The following SAE1 variants were observed in gnomAD, a reference collection of about 807,000 sequenced individuals.
SAE1 encodes the protein SUMO1 activating enzyme subunit 1.
In SAE1, 11 loss-of-function variants were observed where a neutral mutation model predicts 40.6. The observed-to-expected ratio is 0.27, with a 90% CI of 0.17 to 0.45. The LOEUF (loss-of-function observed/expected upper bound fraction) is 0.45, where lower values mean the gene tolerates loss of function less well. Ranked by LOEUF, SAE1 falls within the 20% of genes least tolerant of loss-of-function variation. The pLI is 1.00. For synonymous variants in SAE1, 155 were observed against 154.3 expected (o/e 1.00, Z -0.03); for missense variants, 373 against 427.3 (o/e 0.87, Z 1.12).
chr19:47,179,755 G>T (rs907604949), intron 6 of SAE1, among the ~76,000 whole-genome samples: 1 of 152,088 alleles, frequency 6.6e-6, no homozygotes, highest in Non-Finnish European at 1.5e-5. Flanking sequence ...TGTAGAGACG[G>T]GGTTTCACTG....
chr19:47,155,217 T>G lies in SAE1; in HGVS notation c.627+4T>G, dbSNP rs764034013. The stretch of plus-strand genomic sequence containing the variant: ...TGAGACAACGATGGTCAAAAAGGTA[T>G]GTGTAACGTGGGGGCAGAGGTCAGA... On this transcript the variant is annotated splice_donor_region_variant and intron_variant, in intron 5 of 8. Transcript: ENST00000270225. The G allele has an allele frequency of 2.7e-5, 44 of 1,601,552 alleles. No individual in the cohort carries two copies. In the South Asian group the frequency reaches 4.8e-4, roughly 18 times the overall value.
At position 47,162,399 on chromosome 19, in the gene SAE1, C is replaced by T. The variant is rs2058364202; in HGVS notation, c.627+7186C>T. ...TAAGATAAGGGCATTTTCAGCTTTACCAGACCCCGTTAAGTTACTCTCAAG... is the reference window on the plus strand; with the variant it reads ...TAAGATAAGGGCATTTTCAGCTTTATCAGACCCCGTTAAGTTACTCTCAAG... On this transcript the variant is annotated intron_variant, in intron 5 of 8. Coordinates refer to ENST00000270225, the MANE Select transcript of SAE1 (RefSeq NM_005500.3). Among the ~76,000 whole-genome samples, 4 of 152,096 alleles carry T rather than the reference C, an allele frequency of 2.6e-5. 1 individual carries two copies. Among genetic ancestry groups the T allele is most frequent in the Admixed American group, 2.6e-4 (4 of 15,256 alleles).
intron 6 of SAE1, among the ~76,000 whole-genome samples, chr19:47,178,530 C>G (rs1050933630): frequency 6.6e-6 from 1 of 152,198 alleles, no homozygotes; most frequent in Non-Finnish European, 1.5e-5. Flanking sequence ...GCTGGAGTTG[C>G]AGGTGCAATC....
chr19:47,137,918 G>A (rs1170673791), intron 1 of SAE1, among the ~76,000 whole-genome samples: 2 of 151,742 alleles, frequency 1.3e-5, no homozygotes, highest in South Asian at 2.1e-4. Context: ...TAGTAGAGAC[G>A]GGGTTTTACC....
chr19:47,158,598 G>T (rs745826), intron 5 of SAE1, among the ~76,000 whole-genome samples: 24,742 of 152,158 alleles, frequency 0.16, 2,198 homozygotes, highest in East Asian at 0.36. Flanking sequence ...TGCTCTGTCC[G>T]AGGAAGTAGG....
chr19:47,163,498 C>T (rs1470920729), intron 5 of SAE1, among the ~76,000 whole-genome samples: 1 of 152,006 alleles, frequency 6.6e-6, no homozygotes, highest in African/African-American at 2.4e-5. Flanking sequence ...GAGGCCAAGG[C>T]GGGTGGATCA....
chr19:47,205,439 G>A (rs529998576), intron 8 of SAE1, among the ~76,000 whole-genome samples: 23 of 151,790 alleles, frequency 1.5e-4, no homozygotes, highest in Middle Eastern at 3.4e-3. Context: ...GGAGGGGGAA[G>A]AAAAGTGTGC....
At chr19:47,157,980 C>G (rs2058334300) in intron 5 of SAE1, among the ~76,000 whole-genome samples, 1 of 150,022 alleles carries the variant, frequency 6.7e-6, no homozygotes, top group African/African-American at 2.5e-5. Context: ...ACAGATGGCC[C>G]TGTGATTTCA....
chr19:47,206,349 C>T (rs1228858438), intron 8 of SAE1, among the ~76,000 whole-genome samples: 3 of 152,214 alleles, frequency 2.0e-5, no homozygotes, highest in Non-Finnish European at 4.4e-5. Context: ...CAGCCTTCAG[C>T]CAGCTGGCAG....
intron 6 of SAE1, among the ~76,000 whole-genome samples, chr19:47,185,938 C>G (rs1396226927): frequency 6.7e-6 from 1 of 150,132 alleles, no homozygotes; most frequent in Non-Finnish European, 1.5e-5. Flanking sequence ...CGACATAACA[C>G]TCAAAAAAAT....
chr19:47,170,209 T>TTTTTTTC (rs991540749), intron 6 of SAE1, among the ~76,000 whole-genome samples: 3 of 152,130 alleles, frequency 2.0e-5, no homozygotes, highest in Non-Finnish European at 4.4e-5. Flanking sequence ...GAAACCTCTT[T>TTTTTTTC]TTTTTTCTTT....
intron 8 of SAE1, among the ~76,000 whole-genome samples, chr19:47,206,889 T>C (rs183216636): frequency 1.9e-4 from 29 of 152,342 alleles, no homozygotes; most frequent in Admixed American, 7.8e-4. Flanking sequence ...GTGCTTTTTA[T>C]TTGCCTATTT....
At chr19:47,166,928 G>A (rs1009291317) in intron 5 of SAE1, among the ~76,000 whole-genome samples, 40 of 152,134 alleles carry the variant, frequency 2.6e-4, no homozygotes, top group African/African-American at 9.2e-4. Context: ...ACCTAAACAT[G>A]ACTGTTTAAT....
At chr19:47,144,719 CAAACAA>C (rs368129410) in intron 2 of SAE1, among the ~76,000 whole-genome samples, 1 of 152,040 alleles carries the variant, frequency 6.6e-6, no homozygotes, top group East Asian at 1.9e-4. Context: ...ACAACAAAAA[CAAACAA>C]AAACAAACAA....
intron 1 of SAE1, among the ~76,000 whole-genome samples, chr19:47,141,142 C>T (rs773068148): frequency 3.3e-5 from 5 of 152,152 alleles, no homozygotes; most frequent in East Asian, 1.9e-4. Context: ...ACTGGGACTA[C>T]AGGCGCCTGC....
At chr19:47,167,959 G>A (rs1007058508) in intron 5 of SAE1, among the ~76,000 whole-genome samples, 8 of 152,106 alleles carry the variant, frequency 5.3e-5, no homozygotes, top group Non-Finnish European at 1.0e-4. Context: ...TTGGGAGACC[G>A]AGGCAGGCAG....
Position 47,205,636 on chromosome 19 carries a change from AATGGGAATGTACAT to A in SAE1, c.948+1899_948+1912del, listed in dbSNP as rs1421273716. ...AGCAATGGGAATGTTCTAAGTGGGG[AATGGGAATGTACAT>A]ATTTTTGTAGCCTAAAATGACGACA... On this transcript the variant is annotated intron_variant, in intron 8 of 8. Coordinates refer to ENST00000270225, the MANE Select transcript of SAE1 (RefSeq NM_005500.3). Among the ~76,000 whole-genome samples, 33 of 152,208 alleles carry A rather than the reference AATGGGAATGTACAT, an allele frequency of 2.2e-4. No homozygotes were observed. The East Asian group carries it at 6.0e-3, about 28-fold the overall frequency.
intron 1 of SAE1, among the ~76,000 whole-genome samples, chr19:47,137,762 T>C (rs1428450281): frequency 6.9e-6 from 1 of 145,698 alleles, no homozygotes; most frequent in Non-Finnish European, 1.5e-5. Flanking sequence ...GGACTCTCAC[T>C]CTGTCGCCCA....
chr19:47,177,056 AG>A (rs1425201331), intron 6 of SAE1, among the ~76,000 whole-genome samples: 1 of 152,220 alleles, frequency 6.6e-6, no homozygotes, highest in East Asian at 1.9e-4. Context: ...CTTCATCTCA[AG>A]ATGAGAATAC....
Sources: gnomAD v4.1 joint callset for allele counts (sites outside exome capture counted in the v4.1 genomes callset) on GRCh38, gnomAD v4.1.1 for gene constraint, MANE v1.5 for transcripts, NCBI Gene and HGNC (gene_info 2026-07-23, HGNC 2026-07-21) for gene names.